Variants in LRRC69 observed in about 807,000 individuals in gnomAD.
LRRC69 encodes leucine-rich repeat-containing protein 69.
In LRRC69, 42 loss-of-function variants were observed where a neutral mutation model predicts 37.8. The ratio of observed to expected loss-of-function variants is 1.11; its 90% CI spans 0.87 to 1.44. LRRC69 has a LOEUF of 1.44. LRRC69 is among the 40% of genes most tolerant of loss of function. The pLI, the probability that LRRC69 is intolerant of heterozygous loss-of-function variation, is 0.00. For missense variants in LRRC69, 357 were observed against 401.9 expected (o/e 0.89, Z 0.96); for synonymous variants, 141 against 143.1 (o/e 0.99, Z 0.11).
At chr8:91,191,209 C>T (rs1809490451) in intron 6 of LRRC69, among the ~76,000 whole-genome samples, 1 of 152,072 alleles carries the variant, frequency 6.6e-6, no homozygotes, top group Non-Finnish European at 1.5e-5. Context: ...GATTCCCTTT[C>T]ACAGAATATT....
At chr8:91,154,012 A>G (rs1251511009) in intron 5 of LRRC69, among the ~76,000 whole-genome samples, 2 of 151,926 alleles carry the variant, frequency 1.3e-5, no homozygotes, top group African/African-American at 4.8e-5. Context: ...AAATAGGCTC[A>G]ATGAAAACTA....
At chr8:91,106,935 G>A (rs1353849386) in intron 1 of LRRC69, among the ~76,000 whole-genome samples, 1 of 151,554 alleles carries the variant, frequency 6.6e-6, no homozygotes, top group African/African-American at 2.4e-5. Flanking sequence ...TGGGGCTACA[G>A]GCGTGTGCCA....
At chr8:91,109,893 A>G (rs1410518513) in intron 1 of LRRC69, among the ~76,000 whole-genome samples, 3 of 152,054 alleles carry the variant, frequency 2.0e-5, no homozygotes, top group Non-Finnish European at 4.4e-5. Context: ...TTCCTTCAGG[A>G]AGAGCTGGAT....
rs1809689888 is a variant in LRRC69 at position 91,200,272 on chromosome 8, TAC to T, written c.754-339_754-338del. 7.2e-5 allele frequency among the ~76,000 whole-genome samples: 11 copies of T among 152,248 alleles called. No homozygotes were observed. In the South Asian group the frequency reaches 2.3e-3, roughly 31 times the overall value. ...TTTTTGAATCCAGTCTGAATGTTTG[TAC>T]AGTTTTTGCTTATTGTAATGAGAGG... On this transcript the variant is annotated intron_variant, in intron 6 of 7. Coordinates refer to ENST00000448384, the Ensembl canonical transcript of LRRC69.
intron 1 of LRRC69, among the ~76,000 whole-genome samples, chr8:91,119,748 C>G (rs555810078): frequency 7.3e-4 from 111 of 152,058 alleles, no homozygotes; most frequent in African/African-American, 2.6e-3. Context: ...TTCATATTTC[C>G]GTGAGAAAAC....
chr8:91,159,227 T>G (rs186657109), intron 5 of LRRC69, among the ~76,000 whole-genome samples: 1 of 151,308 alleles, frequency 6.6e-6, no homozygotes, highest in Non-Finnish European at 1.5e-5. Context: ...ATAAATAAAA[T>G]AGAATGACAC....
intron 7 of LRRC69, chr8:91,206,865 G>T: frequency 7.8e-7 from 1 of 1,285,360 alleles, no homozygotes; most frequent in African/African-American, 1.5e-5. Context: ...GCCAATTTCA[G>T]AAAGCTGCCA....
At chr8:91,127,601 CAAAAAAAAAAAAAA>C (rs554876868) in intron 3 of LRRC69, among the ~76,000 whole-genome samples, 1 of 66,570 alleles carries the variant, frequency 1.5e-5, no homozygotes. Flanking sequence ...TGTCATTAAC[CAAAAAAAAAAAAAA>C]AAAAAAAAAA....
chr8:91,187,317 GA>G (rs890644970), intron 5 of LRRC69, among the ~76,000 whole-genome samples: 11 of 152,178 alleles, frequency 7.2e-5, no homozygotes, highest in African/African-American at 2.7e-4. Context: ...AAGTCATTGA[GA>G]CTTCATGTCT....
chr8:91,172,156 C>G (rs550068445), intron 5 of LRRC69, among the ~76,000 whole-genome samples: 1 of 151,870 alleles, frequency 6.6e-6, no homozygotes, highest in Non-Finnish European at 1.5e-5. Flanking sequence ...ATTAAACAGT[C>G]CCCTATTTTT....
chr8:91,215,902 A>G (rs1256046924), intron 7 of LRRC69, among the ~76,000 whole-genome samples: 1 of 152,190 alleles, frequency 6.6e-6, no homozygotes, highest in Non-Finnish European at 1.5e-5. Context: ...AACAGTTGCA[A>G]TAATGCCACA....
At chr8:91,116,165 A>G (rs905614184) in intron 1 of LRRC69, among the ~76,000 whole-genome samples, 65 of 151,968 alleles carry the variant, frequency 4.3e-4, no homozygotes, top group African/African-American at 1.6e-3. Context: ...TGTTTACTGC[A>G]TTTCTAGCAC....
At chr8:91,204,708 T>C (rs536897527) in intron 7 of LRRC69, among the ~76,000 whole-genome samples, 2 of 152,354 alleles carry the variant, frequency 1.3e-5, no homozygotes, top group Non-Finnish European at 2.9e-5. Flanking sequence ...TAATGTATTC[T>C]TACTAGCATT....
At chr8:91,219,056 A>G (rs1218339439), downstream of LRRC69, 6 of 908,806 alleles carry the variant, frequency 6.6e-6, no homozygotes, top group Admixed American at 2.4e-5. Flanking sequence ...AGCTCTGCAT[A>G]CACAGATTAT....
intron 5 of LRRC69, among the ~76,000 whole-genome samples, chr8:91,185,476 G>A (rs1239125159): frequency 2.6e-5 from 4 of 152,106 alleles, no homozygotes; most frequent in Admixed American, 6.5e-5. Flanking sequence ...CTTGGGAGAA[G>A]TATTCAGCAG....
At chr8:91,205,363 C>T (rs973362385) in intron 7 of LRRC69, 1 of 152,250 alleles carries the variant, frequency 6.6e-6, no homozygotes, top group Admixed American at 6.5e-5. Context: ...AGCTGCTTTA[C>T]GTAGTTCATT....
chr8:91,200,525 T>C (rs367694797), intron 6 of LRRC69, 88 bp from the exon 7 acceptor site: 2 of 829,444 alleles, frequency 2.4e-6, no homozygotes, highest in Middle Eastern at 2.3e-4. Context: ...TAATAAGCCA[T>C]ACACTTTATC....
rs541916002 is a variant in LRRC69 at position 91,125,062 on chromosome 8, T to A, written c.310+443T>A. Among the ~76,000 whole-genome samples the A allele has an allele frequency of 1.1e-3, 172 of 152,018 alleles. 1 individual carries two copies. The highest frequency in any genetic ancestry group is 4.1e-3 in the African/African-American group (170 of 41,572). On this transcript the variant is annotated intron_variant, in intron 2 of 7. Transcript: ENST00000448384. ...TGGGGAGAATTTTAAAGAAAAGATA[T>A]GAGATCCAATAAGCATTTTTTTCTT...
At chr8:91,203,706 A>G (rs7817959) in intron 7 of LRRC69, among the ~76,000 whole-genome samples, 4,636 of 151,908 alleles carry the variant, frequency 0.031, 194 homozygotes, top group East Asian at 0.21. Context: ...GCCTCAGTGT[A>G]TCTTATCACT....
Sources: gnomAD v4.1 joint callset for allele counts (sites outside exome capture counted in the v4.1 genomes callset) on GRCh38, gnomAD v4.1.1 for gene constraint, MANE v1.5 for transcripts, NCBI Gene and HGNC (gene_info 2026-07-23, HGNC 2026-07-21) for gene names.